Variants in KCNH5 observed in about 807,000 individuals in gnomAD.
The protein encoded by KCNH5 is voltage-gated delayed rectifier potassium channel KCNH5.
Under a neutral mutation model 96.1 loss-of-function variants are expected in KCNH5, and 46 were observed. That is an observed-to-expected ratio of 0.48 (90% CI 0.38 to 0.61). The LOEUF is 0.61. Among genes scored for constraint, KCNH5 ranks in the 20% least tolerant of loss-of-function variants. KCNH5 has a pLI of 0.00. For synonymous variants in KCNH5, 439 were observed against 449.8 expected, an observed-to-expected ratio of 0.98 and a Z score of 0.30; for missense variants, 907 against 1,225.8, an observed-to-expected ratio of 0.74 and a Z score of 3.88.
At chr14:62,873,512 G>A (rs1225589777) in intron 7 of KCNH5, among the ~76,000 whole-genome samples, 1 of 152,124 alleles carries the variant, frequency 6.6e-6, no homozygotes, top group Non-Finnish European at 1.5e-5. Context: ...CTTGAGCACT[G>A]AATAAAAATG....
intron 6 of KCNH5, among the ~76,000 whole-genome samples, chr14:62,967,244 G>A (rs1890321506): frequency 6.6e-6 from 1 of 151,886 alleles, no homozygotes; most frequent in South Asian, 2.1e-4. Flanking sequence ...ACTGATGAGG[G>A]AATTTTTTTT....
At chr14:62,761,301 G>A (rs1221228677) in intron 10 of KCNH5, among the ~76,000 whole-genome samples, 1 of 150,404 alleles carries the variant, frequency 6.6e-6, no homozygotes, top group African/African-American at 2.5e-5. Context: ...GTTGCAATGA[G>A]CCAAGATCAC....
At chr14:62,906,296 C>T (rs1232348979) in intron 7 of KCNH5, among the ~76,000 whole-genome samples, 1 of 152,104 alleles carries the variant, frequency 6.6e-6, no homozygotes, top group Non-Finnish European at 1.5e-5. Context: ...TGTGTAACCA[C>T]ACACAGACAG....
chr14:63,001,618 CT>C (rs1353120394), intron 3 of KCNH5, among the ~76,000 whole-genome samples, 159 bp from the exon 4 acceptor site: 1 of 152,214 alleles, frequency 6.6e-6, no homozygotes, highest in Non-Finnish European at 1.5e-5. Flanking sequence ...ATCCGTAAAC[CT>C]TTAATTTTGT....
chr14:63,015,446 A>C (rs1388225223), intron 2 of KCNH5, among the ~76,000 whole-genome samples: 1 of 151,986 alleles, frequency 6.6e-6, no homozygotes, highest in African/African-American at 2.4e-5. Flanking sequence ...TCCCTTCTGT[A>C]TAACATGGAT....
intron 8 of KCNH5, among the ~76,000 whole-genome samples, chr14:62,830,666 G>T (rs1887327446): frequency 6.6e-6 from 1 of 152,138 alleles, no homozygotes; most frequent in Non-Finnish European, 1.5e-5. Context: ...CCTCCCAGCA[G>T]ATCCCTCCCT....
chr14:62,899,899 G>T (rs1367382268), intron 7 of KCNH5, among the ~76,000 whole-genome samples: 1 of 151,908 alleles, frequency 6.6e-6, no homozygotes, highest in African/African-American at 2.4e-5. Context: ...GTGTCTAAAT[G>T]TCTAACCTAA....
At chr14:62,759,588 C>A (rs929524826) in intron 10 of KCNH5, among the ~76,000 whole-genome samples, 1 of 78,648 alleles carries the variant, frequency 1.3e-5, no homozygotes, top group East Asian at 4.8e-4. Context: ...TTAATAATTA[C>A]ATTTGTTTAA....
At chr14:62,908,104 G>A (rs1205197105) in intron 7 of KCNH5, among the ~76,000 whole-genome samples, 1 of 152,102 alleles carries the variant, frequency 6.6e-6, no homozygotes, top group African/African-American at 2.4e-5. Context: ...GATTCTACAT[G>A]TTTTCAGCTC....
In KCNH5 at chr14:63,001,389, C is replaced by G; in HGVS notation, c.375G>C (p.Leu125=). The change falls in exon 4 of 11, where the codon CTG becomes CTC. Residue 125 remains leucine (L), a synonymous_variant. Transcript: ENST00000322893. ...RNEHEKVVLF[L]CTFKDITLFK... is the part of the protein sequence containing the mutation. ...ACAACGTAATATCCTTGAAAGTACA[C>G]AGGAACAAGACCACCTTTTCATGTT... The G allele has an allele frequency of 6.2e-7, 1 of 1,612,732 alleles. No homozygotes were observed. Among genetic ancestry groups the G allele is most frequent in the Non-Finnish European group, 8.5e-7 (1 of 1,179,260 alleles).
At chr14:62,724,851 T>A (rs142133755) in intron 10 of KCNH5, among the ~76,000 whole-genome samples, 6 of 152,204 alleles carry the variant, frequency 3.9e-5, no homozygotes, top group African/African-American at 1.2e-4. Context: ...TTGCCAAGAA[T>A]TGAAACTTAG....
At chr14:62,930,468 G>A (rs1294485045) in intron 7 of KCNH5, among the ~76,000 whole-genome samples, 2 of 152,104 alleles carry the variant, frequency 1.3e-5, no homozygotes, top group Non-Finnish European at 2.9e-5. Context: ...TAAAGGCAAT[G>A]TTTATATAAC....
At chr14:62,874,009 G>C (rs1888317067) in intron 7 of KCNH5, among the ~76,000 whole-genome samples, 1 of 152,132 alleles carries the variant, frequency 6.6e-6, no homozygotes, top group African/African-American at 2.4e-5. Context: ...AAACTCCTGA[G>C]GCTAATGATA....
intron 7 of KCNH5, among the ~76,000 whole-genome samples, chr14:62,903,612 T>C (rs1032629681): frequency 2.6e-5 from 4 of 152,166 alleles, no homozygotes; most frequent in African/African-American, 9.6e-5. Flanking sequence ...CTGACAGTCA[T>C]TGGGTGCTCA....
intron 10 of KCNH5, among the ~76,000 whole-genome samples, chr14:62,713,312 C>CT (rs1884613179): frequency 6.6e-6 from 1 of 152,172 alleles, no homozygotes; most frequent in Non-Finnish European, 1.5e-5. Flanking sequence ...TCATTAATGT[C>CT]TACTCCTCAT....
intron 10 of KCNH5, chr14:62,712,444 T>G: frequency 1.7e-6 from 1 of 580,586 alleles, no homozygotes; most frequent in Non-Finnish European, 3.1e-6. Context: ...ACAGGTCATA[T>G]TATTCTTTTA....
intron 8 of KCNH5, among the ~76,000 whole-genome samples, chr14:62,832,052 T>C (rs182794221): frequency 6.6e-6 from 1 of 152,314 alleles, no homozygotes; most frequent in Non-Finnish European, 1.5e-5. Context: ...TCGATATTTC[T>C]TTACCATTTA....
At chr14:62,734,785 C>T (rs140440061) in intron 10 of KCNH5, among the ~76,000 whole-genome samples, 4 of 152,278 alleles carry the variant, frequency 2.6e-5, no homozygotes, top group African/African-American at 9.6e-5. Flanking sequence ...TTCACAACTG[C>T]ATAGCACAGT....
intron 6 of KCNH5, among the ~76,000 whole-genome samples, chr14:62,954,874 C>T (rs1890071482): frequency 6.6e-6 from 1 of 152,036 alleles, no homozygotes; most frequent in Non-Finnish European, 1.5e-5. Flanking sequence ...CTTATTAAAC[C>T]AGCAGATCTC....
Sources: allele counts gnomAD v4.1 joint callset (sites outside exome capture counted in the v4.1 genomes callset), GRCh38; gene constraint gnomAD v4.1.1; transcripts MANE v1.5; gene names NCBI Gene and HGNC (gene_info 2026-07-23, HGNC 2026-07-21).